Variants in TUBGCP6 observed in about 807,000 individuals in gnomAD.
The protein encoded by TUBGCP6 is tubulin gamma complex component 6.
Under a neutral mutation model 175.8 loss-of-function variants are expected in TUBGCP6, and 161 were observed. The observed-to-expected ratio is 0.92, with a 90% CI of 0.81 to 1.04. The LOEUF (loss-of-function observed/expected upper bound fraction) is 1.04, where lower values mean the gene tolerates loss of function less well. TUBGCP6 is among the 50% of genes least tolerant of loss of function. The probability of loss-of-function intolerance (pLI) is 0.00; values close to 1 mark genes in which losing one functional copy is unlikely to be tolerated. For missense variants in TUBGCP6, 2,572 were observed against 2,433.0 expected (o/e 1.06, Z -1.20); for synonymous variants, 1,173 against 1,030.5 (o/e 1.14, Z -2.65).
Position 50,244,191 on chromosome 22 carries a change from TC to T in TUBGCP6, c.268del (p.Glu90ArgfsTer64), listed in dbSNP as rs2064887539. The T allele has an allele frequency of 6.2e-7, 1 of 1,613,154 alleles. No homozygotes were observed. The highest frequency in any genetic ancestry group is 1.7e-5 in the Admixed American group (1 of 60,006). On this transcript the variant is annotated frameshift_variant, in exon 1 of 25. Coordinates refer to ENST00000248846, the MANE Select transcript of TUBGCP6 (RefSeq NM_020461.4). LOFTEE classifies it high-confidence loss of function. The stretch of plus-strand genomic sequence containing the variant: ...TGCTTCCAGCTCCTCCACAAGCTCC[TC>T]CAAACGGTCGGCCTTGGGGCCCAGG... The part of the protein sequence containing the change: ...GGLGPKADRL[E>X]ELVEELEAAP...
intron 2 of TUBGCP6, among the ~76,000 whole-genome samples, chr22:50,235,324 A>ATGCCTGTCCATG (rs2064762320): frequency 1.7e-4 from 26 of 151,278 alleles, no homozygotes; most frequent in South Asian, 4.2e-4. Flanking sequence ...GCCTGTCCAC[A>ATGCCTGTCCATG]GCAGCATCCA....
chr22:50,224,582 A>G lies in TUBGCP6; in HGVS notation c.1994T>C (p.Met665Thr). The G allele has an allele frequency of 6.2e-7, 1 of 1,613,944 alleles. No individual in the cohort carries two copies. Among genetic ancestry groups the G allele is most frequent in the East Asian group, 2.2e-5 (1 of 44,888 alleles). The change falls in exon 11 of 25, where the codon ATG (methionine) becomes ACG (threonine). Residue 665 changes from methionine to threonine, a missense_variant. Coordinates refer to ENST00000248846, the MANE Select transcript of TUBGCP6 (RefSeq NM_020461.4). The stretch of plus-strand genomic sequence containing the variant: ...GATTAATTCTTGTTTTGCAATTTCC[A>G]TACGTAATTCCTGAGAAAGACAACT... ...SVSKEEKELR[M>T]EIAKQELIAH... is the part of the protein sequence containing the mutation.
rs749005142 is a variant in TUBGCP6, at chr22:50,219,467, T to TG, written c.4316-12dup. On this transcript the variant is annotated splice_polypyrimidine_tract_variant and intron_variant, in intron 18 of 24. Coordinates refer to ENST00000248846, the MANE Select transcript of TUBGCP6 (RefSeq NM_020461.4). ...CAATGGGCGGCTCGGCTGCGGGAGATGGAGCACGCACGTGCTGGGAACCGG... is the reference window on the plus strand; with the variant it reads ...CAATGGGCGGCTCGGCTGCGGGAGATGGGAGCACGCACGTGCTGGGAACCGG... The TG allele has an allele frequency of 6.3e-7, 1 of 1,588,106 alleles. No homozygotes were observed. Among genetic ancestry groups the TG allele is most frequent in the Non-Finnish European group, 8.6e-7 (1 of 1,168,576 alleles).
chr22:50,231,327 G>GCA (rs2147197215), intron 3 of TUBGCP6, among the ~76,000 whole-genome samples: 1 of 151,424 alleles, frequency 6.6e-6, no homozygotes, highest in African/African-American at 2.4e-5. Context: ...GGTAGTCCAT[G>GCA]CCTGTAGTCC....
chr22:50,220,149 C>G (rs2064492192), intron 16 of TUBGCP6, 102 bp downstream of exon 16: 1 of 1,546,574 alleles, frequency 6.5e-7, no homozygotes, highest in Non-Finnish European at 8.8e-7. Context: ...ACAAGGAGGC[C>G]TGAGGGGAAC....
chr22:50,229,321 G>A, intron 4 of TUBGCP6, 83 bp downstream of exon 4: 1 of 1,476,776 alleles, frequency 6.8e-7, no homozygotes, highest in South Asian at 1.2e-5. Context: ...TGGTCCTGCA[G>A]AAGGACCTCT....
intron 2 of TUBGCP6, among the ~76,000 whole-genome samples, chr22:50,235,422 G>A (rs542671399): frequency 2.1e-4 from 29 of 135,350 alleles, no homozygotes; most frequent in Non-Finnish European, 4.3e-4. Flanking sequence ...CAGACCGTCC[G>A]TGCAGACCCC....
At position 50,221,041 on chromosome 22, in the gene TUBGCP6, G is replaced by A. The variant is rs543079653; in HGVS notation, c.3318C>T (p.Ile1106=). The change falls in exon 16 of 25, where the codon ATC becomes ATT. Residue 1106 remains isoleucine (I), a synonymous_variant. Transcript: ENST00000248846. The part of the protein sequence containing the change: ...DVAPTRPRWN[I]HGHVSNASIR... ...TGCTGGCGTTGGACACATGTCCATG[G>A]ATGTTCCACCGTGGCCGAGTGGGAG... 6.8e-6 allele frequency: 11 copies of A among 1,612,392 alleles called. No individual in the cohort carries two copies. The highest frequency in any genetic ancestry group is 2.7e-5 in the African/African-American group (2 of 74,602).
intron 18 of TUBGCP6, 41 bp from the exon 19 acceptor site, chr22:50,219,497 C>A: frequency 6.3e-7 from 1 of 1,594,338 alleles, no homozygotes; most frequent in South Asian, 1.1e-5. Flanking sequence ...AACCGGCCAG[C>A]CCAGGGCTCC....
At chr22:50,232,709 G>A (rs1428905068) in intron 3 of TUBGCP6, among the ~76,000 whole-genome samples, 1 of 152,262 alleles carries the variant, frequency 6.6e-6, no homozygotes, top group African/African-American at 2.4e-5. Context: ...GGCAGTCACT[G>A]GCTGTGCTTC....
At chr22:50,222,234 G>A (rs534981615) in intron 14 of TUBGCP6, 132 bp from the exon 15 acceptor site, 4 of 1,181,478 alleles carry the variant, frequency 3.4e-6, no homozygotes, top group African/African-American at 3.0e-5. Flanking sequence ...CTGGGCTCCA[G>A]TGGGACGCTG....
rs780722148 is a variant in TUBGCP6, at chr22:50,233,407, G to A, written c.1025C>T (p.Pro342Leu). 1.9e-5 allele frequency: 31 copies of A among 1,613,910 alleles called. No individual in the cohort carries two copies. Among genetic ancestry groups the A allele is most frequent in the East Asian group, 1.8e-4 (8 of 44,872 alleles). ...GCACTCCTTCACCAGCACGGGCTGC[G>A]GGGCCTGTAGGACGCCCCCAGCAAG... is the stretch of plus-strand genomic sequence containing the variant. ...QLLAGGVLQA[P>L]QPVLVKECEL... The change falls in exon 3 of 25, where the codon CCG (proline) becomes CTG (leucine). Residue 342 changes from proline to leucine, a missense_variant. Physicochemically the swap from Pro to Leu is moderately conservative, Grantham distance 98. Coordinates refer to ENST00000248846, the MANE Select transcript of TUBGCP6 (RefSeq NM_020461.4).
At chr22:50,222,249 T>C in intron 14 of TUBGCP6, 147 bp from the exon 15 acceptor site, 1 of 1,160,912 alleles carries the variant, frequency 8.6e-7, no homozygotes, top group Non-Finnish European at 1.2e-6. Context: ...ACGCTGGGCC[T>C]GCAAAAAGTA....
chr22:50,227,621 T>C (rs1479166820), intron 5 of TUBGCP6, among the ~76,000 whole-genome samples: 1 of 152,172 alleles, frequency 6.6e-6, no homozygotes, highest in Non-Finnish European at 1.5e-5. Flanking sequence ...CTAACCAGCT[T>C]GTGTGTACCG....
rs2064598729 is a variant in TUBGCP6, at chr22:50,225,828, AC to A, written c.1948del (p.Val650TrpfsTer23). On this transcript the variant is annotated frameshift_variant, in exon 10 of 25. Coordinates refer to ENST00000248846, the MANE Select transcript of TUBGCP6 (RefSeq NM_020461.4). LOFTEE classifies it high-confidence loss of function. ...CTTGCTGACAGAGCTGTGGCGGGCCACCCTCTCCATGCGCCCAACGTAGACG... is the reference window on the plus strand; with the variant it reads ...CTTGCTGACAGAGCTGTGGCGGGCCACCTCTCCATGCGCCCAACGTAGACG... The part of the protein sequence containing the change: ...CAVYVGRMER[V>X]ARHSSVSKEE... 1 of 1,613,236 alleles carries A rather than the reference AC, an allele frequency of 6.2e-7. No homozygotes were observed. The highest frequency in any genetic ancestry group is 1.3e-5 in the African/African-American group (1 of 74,884).
rs567522091 is a variant in TUBGCP6 at position 50,236,373 on chromosome 22, G to C, written c.906-2847C>G. Among the ~76,000 whole-genome samples the C allele has an allele frequency of 5.3e-5, 8 of 152,196 alleles. No individual in the cohort carries two copies. The South Asian group carries it at 1.7e-3, about 32-fold the overall frequency. ...GATGGTCTCGATCTCTTGACCTCGT[G>C]ATCCGCCCACCTCAGCCTCCCAAAG... is the stretch of plus-strand genomic sequence containing the variant. On this transcript the variant is annotated intron_variant, in intron 2 of 24. Transcript: ENST00000248846.
rs1435838703 is a variant in TUBGCP6, at chr22:50,218,413, G to A, written c.4955-11C>T. 3 of 1,612,792 alleles carry A rather than the reference G, an allele frequency of 1.9e-6. No individual in the cohort carries two copies. Among genetic ancestry groups the A allele is most frequent in the South Asian group, 1.1e-5 (1 of 91,074 alleles). ...TGTGGCTCAGCAGGGCTGGCGGAGG[G>A]CAGAAGGCAGAGGGCAGAGGTGAGC... is the stretch of plus-strand genomic sequence containing the variant. On this transcript the variant is annotated splice_polypyrimidine_tract_variant and intron_variant, in intron 22 of 24. Transcript: ENST00000248846.
chr22:50,236,193 T>C (rs2064776810), intron 2 of TUBGCP6, among the ~76,000 whole-genome samples: 1 of 152,010 alleles, frequency 6.6e-6, no homozygotes, highest in African/African-American at 2.4e-5. Flanking sequence ...TGGAGTGCAG[T>C]GGCACGATCT....
chr22:50,218,158 C>T lies in TUBGCP6; in HGVS notation c.5168+31G>A, dbSNP rs145252088. On this transcript the variant is annotated intron_variant, in intron 23 of 24. Transcript: ENST00000248846. ...GCTGCTGGGTGGGCTGAGCCGTGACCACAGGGACGCAGCCGCTGCCCAGGC... is the reference window on the plus strand; with the variant it reads ...GCTGCTGGGTGGGCTGAGCCGTGACTACAGGGACGCAGCCGCTGCCCAGGC... 7 of 1,609,946 alleles carry T rather than the reference C, an allele frequency of 4.3e-6. No homozygotes were observed. In the South Asian group the frequency reaches 5.5e-5, roughly 13 times the overall value.
Sources: gnomAD v4.1 joint callset for allele counts (sites outside exome capture counted in the v4.1 genomes callset) on GRCh38, gnomAD v4.1.1 for gene constraint, MANE v1.5 for transcripts, NCBI Gene and HGNC (gene_info 2026-07-23, HGNC 2026-07-21) for gene names.